HEXIM1: variants seen among roughly 807,000 people sequenced by gnomAD.
HEXIM1 encodes HEXIM P-TEFb complex subunit 1.
HEXIM1 carries 1 observed loss-of-function variant against 30.3 expected under a neutral mutation model. The observed-to-expected ratio is 0.03, with a 90% CI of 0.01 to 0.16. The LOEUF (loss-of-function observed/expected upper bound fraction) is 0.16. Ranked by LOEUF, HEXIM1 falls within the 10% of genes least tolerant of loss-of-function variation. The pLI is 1.00. For synonymous variants in HEXIM1, 245 were observed against 208.3 expected, an observed-to-expected ratio of 1.18 and a Z score of -1.52; for missense variants, 391 against 476.4, an observed-to-expected ratio of 0.82 and a Z score of 1.67.
In HEXIM1 at chr17:45,150,184, C is replaced by T; in HGVS notation, c.994C>T (p.Leu332=). The change falls in exon 1 of 1, where the codon CTG becomes TTG. Residue 332 remains leucine, a synonymous_variant. Coordinates refer to ENST00000332499, the MANE Select transcript of HEXIM1 (RefSeq NM_006460.3). ...GGAGCTGGAGCTGGAGCTGGACCGG[C>T]TGCGCGCCGAGAACCTCCAGCTGCT... ...VRELELELDR[L]RAENLQLLTE... The T allele has an allele frequency of 6.2e-7, 1 of 1,613,078 alleles. No homozygotes were observed. The highest frequency in any genetic ancestry group is 8.5e-7 in the Non-Finnish European group (1 of 1,179,830).
At position 45,148,818 on chromosome 17, in the gene HEXIM1, C is replaced by T. The variant is rs922370500; in HGVS notation, c.-373C>T. 2.2e-5 allele frequency: 9 copies of T among 405,038 alleles called. No homozygotes were observed. Among genetic ancestry groups the T allele is most frequent in the Non-Finnish European group, 3.5e-5 (8 of 229,726 alleles). The allele number at this position is 405,038 out of a possible 1,614,324, so 25.1% of individuals were successfully genotyped here. A position where few individuals can be genotyped will look rare whatever the true frequency, so the allele number is the denominator to read the frequency against. On this transcript the variant is annotated 5_prime_UTR_variant, in exon 1 of 1. Transcript: ENST00000332499. The stretch of plus-strand genomic sequence containing the variant: ...GCAGCGTCATCGGTAGTTTTAACCC[C>T]TTCGGGGCTGGGTTTCACGCACTGG...
At position 45,150,507 on chromosome 17, in the gene HEXIM1, T is replaced by C. The variant is rs1428640348; in HGVS notation, c.*237T>C. The stretch of plus-strand genomic sequence containing the variant: ...TTGTTTTCCTTTTTAGAAGTTTTTT[T>C]CCTTAATGTGAAAGTAATTTGACCA... On this transcript the variant is annotated 3_prime_UTR_variant, in exon 1 of 1. Transcript: ENST00000332499. 4 of 505,836 alleles carry C rather than the reference T, an allele frequency of 7.9e-6. No homozygotes were observed. Among genetic ancestry groups the C allele is most frequent in the African/African-American group, 7.9e-5 (4 of 50,922 alleles). 31.3% of individuals were successfully genotyped at this position (505,836 alleles called of 1,614,324 possible).
Position 45,150,460 on chromosome 17 carries a change from T to C in HEXIM1, c.*190T>C, listed in dbSNP as rs1474762935. 1.7e-6 allele frequency: 1 copy of C among 603,496 alleles called. No individual in the cohort carries two copies. Among genetic ancestry groups the C allele is most frequent in the South Asian group, 2.7e-5 (1 of 36,388 alleles). 37.4% of individuals were successfully genotyped at this position (603,496 alleles called of 1,614,324 possible). A position where few individuals can be genotyped will look rare whatever the true frequency, so the allele number is the denominator to read the frequency against. On this transcript the variant is annotated 3_prime_UTR_variant, in exon 1 of 1. Coordinates refer to ENST00000332499, the MANE Select transcript of HEXIM1 (RefSeq NM_006460.3). Reference sequence around the variant, plus strand: ...GCTTTCTCCTGTTCTTTTAATTATGTGAAACTGAAGAGTTGCTTTTCTTGT... The same window carrying C: ...GCTTTCTCCTGTTCTTTTAATTATGCGAAACTGAAGAGTTGCTTTTCTTGT...
rs371225086 is a variant in HEXIM1 at position 45,149,181 on chromosome 17, T to C, written c.-10T>C. 7.6e-6 allele frequency: 12 copies of C among 1,576,890 alleles called. No individual in the cohort carries two copies. In the Admixed American group the frequency reaches 9.1e-5, roughly 12 times the overall value. Reference sequence around the variant, plus strand: ...CCAAAATTTCTTAAACTTCGAGGACTCTACTAGCCATGGCCGAGCCATTCT... The same window carrying C: ...CCAAAATTTCTTAAACTTCGAGGACCCTACTAGCCATGGCCGAGCCATTCT... On this transcript the variant is annotated 5_prime_UTR_variant, in exon 1 of 1. Coordinates refer to ENST00000332499, the MANE Select transcript of HEXIM1 (RefSeq NM_006460.3). The surrounding 1 kb of genome is among the most constrained non-coding windows in gnomAD (Gnocchi z 5.3).
Position 45,149,080 on chromosome 17 carries a change from G to T in HEXIM1, c.-111G>T. 9.1e-7 allele frequency: 1 copy of T among 1,095,464 alleles called. No homozygotes were observed. The highest frequency in any genetic ancestry group is 1.6e-5 in the South Asian group (1 of 63,762). 67.9% of individuals were successfully genotyped at this position (1,095,464 alleles called of 1,614,324 possible). On this transcript the variant is annotated 5_prime_UTR_variant, in exon 1 of 1. Transcript: ENST00000332499. The surrounding 1 kb of genome is among the most constrained non-coding windows in gnomAD (Gnocchi z 5.3). ...ACTGCAGGAATTACAAACTGAAGAG[G>T]ACTCTGTTGGACTGTTTTTTTTTTC...
Position 45,150,180 on chromosome 17 carries a change from C to G in HEXIM1, c.990C>G (p.Asp330Glu), listed in dbSNP as rs748306481. The G allele has an allele frequency of 1.1e-5, 17 of 1,612,960 alleles. No individual in the cohort carries two copies. Among genetic ancestry groups the G allele is most frequent in the Admixed American group, 1.7e-5 (1 of 59,982 alleles). ...TGCGGGAGCTGGAGCTGGAGCTGGA[C>G]CGGCTGCGCGCCGAGAACCTCCAGC... ...ARVRELELELDRLRAENLQLL... is the reference protein window; with the variant it reads ...ARVRELELELERLRAENLQLL... The change falls in exon 1 of 1, where the codon GAC becomes GAG. Residue 330 changes from aspartate (D) to glutamate (E), a missense_variant. By Grantham distance (45) the Asp-to-Glu change is conservative. Around this residue, in one of 5 missense-constraint regions of HEXIM1, gnomAD observed 73 missense variants for 80.9 expected, o/e 0.90. Coordinates refer to ENST00000332499, the MANE Select transcript of HEXIM1 (RefSeq NM_006460.3).
chr17:45,151,434 T>G lies in HEXIM1; in HGVS notation c.*1164T>G, dbSNP rs532596024. On this transcript the variant is annotated 3_prime_UTR_variant, in exon 1 of 1. Transcript: ENST00000332499. ...AGGTCCTCAGCTGAATGAGGAACCC[T>G]GTACATCCCCTTGCACAGCCCTATT... 2 of 167,060 alleles carry G rather than the reference T, an allele frequency of 1.2e-5. No individual in the cohort carries two copies. The highest frequency in any genetic ancestry group is 2.9e-5 in the Non-Finnish European group (2 of 68,126). The allele number at this position is 167,060 out of a possible 1,614,324, so 10.3% of individuals were successfully genotyped here.
chr17:45,149,388 C>T lies in HEXIM1; in HGVS notation c.198C>T (p.Ser66=). 1.2e-6 allele frequency: 2 copies of T among 1,613,350 alleles called. No individual in the cohort carries two copies. The highest frequency in any genetic ancestry group is 4.5e-5 in the East Asian group (2 of 44,838). ...GGRPGPEGEG[S]LESQPPPLQT... Reference sequence around the variant, plus strand: ...GTCCGGGGCCGGAGGGGGAAGGGAGCCTGGAATCCCAACCACCTCCCTTGC... The same window carrying T: ...GTCCGGGGCCGGAGGGGGAAGGGAGTCTGGAATCCCAACCACCTCCCTTGC... Residue 66 remains serine (S), a synonymous_variant, in exon 1 of 1, where the codon AGC becomes AGT. Coordinates refer to ENST00000332499, the MANE Select transcript of HEXIM1 (RefSeq NM_006460.3). This position sits in a 1 kb window ranked among gnomAD's most constrained non-coding sequence, Gnocchi z 5.3.
Position 45,150,246 on chromosome 17 carries a change from G to C in HEXIM1, c.1056G>C (p.Ala352=). The C allele has an allele frequency of 4.4e-6, 7 of 1,608,796 alleles. No individual in the cohort carries two copies. The highest frequency in any genetic ancestry group is 5.1e-6 in the Non-Finnish European group (6 of 1,176,492). Reference sequence around the variant, plus strand: ...AACTGCACCGGCAGCAGGAGCGAGCGCCGCTTTCCAAGTTTGGAGACTAGA... The same window carrying C: ...AACTGCACCGGCAGCAGGAGCGAGCCCCGCTTTCCAAGTTTGGAGACTAGA... The part of the protein sequence containing the change: ...ENELHRQQER[A]PLSKFGD The change falls in exon 1 of 1, where the codon GCG becomes GCC. Residue 352 remains alanine, a synonymous_variant. Coordinates refer to ENST00000332499, the MANE Select transcript of HEXIM1 (RefSeq NM_006460.3).
At position 45,148,705 on chromosome 17, in the gene HEXIM1, G is replaced by A. The variant is rs954567211; in HGVS notation, c.-486G>A. 73 of 401,366 alleles carry A rather than the reference G, an allele frequency of 1.8e-4. No homozygotes were observed. Among genetic ancestry groups the A allele is most frequent in the Middle Eastern group, 6.2e-4 (1 of 1,614 alleles). 24.9% of individuals were successfully genotyped at this position (401,366 alleles called of 1,614,324 possible). A position where few individuals can be genotyped will look rare whatever the true frequency, so the allele number is the denominator to read the frequency against. ...AGCTTGGGTGGAAGCGACACCCGTG[G>A]AAGTGGGAGGAGGTGGCGCCGGGAC... is the stretch of plus-strand genomic sequence containing the variant. On this transcript the variant is annotated 5_prime_UTR_variant, in exon 1 of 1. Transcript: ENST00000332499.
rs558564301 is a variant in HEXIM1, at chr17:45,150,123, G to A, written c.933G>A (p.Glu311=). Residue 311 remains glutamate, a synonymous_variant, in exon 1 of 1, where the codon GAG becomes GAA. Coordinates refer to ENST00000332499, the MANE Select transcript of HEXIM1 (RefSeq NM_006460.3). ...ACGAGAACAACCGGCTGCGGCTGGA[G>A]AGCAAGCGGCTGGGTGGCGACGACG... The part of the protein sequence containing the change: ...MEDENNRLRL[E]SKRLGGDDAR... 36 of 1,613,762 alleles carry A rather than the reference G, an allele frequency of 2.2e-5. No homozygotes were observed. In the South Asian group the frequency reaches 3.7e-4, roughly 17 times the overall value.
In HEXIM1 at chr17:45,150,957, G is replaced by C. The variant is rs574698496; in HGVS notation, c.*687G>C. On this transcript the variant is annotated 3_prime_UTR_variant, in exon 1 of 1. Coordinates refer to ENST00000332499, the MANE Select transcript of HEXIM1 (RefSeq NM_006460.3). ...ACAAACCGGTATTGAGTGTTTAGGC[G>C]AGTGGAAAGTGGCTACAATCCAAAA... The C allele has an allele frequency of 1.2e-5, 2 of 167,094 alleles. No individual in the cohort carries two copies. Among genetic ancestry groups the C allele is most frequent in the South Asian group, 4.1e-4 (2 of 4,826 alleles). The allele number at this position is 167,094 out of a possible 1,614,324, so 10.4% of individuals were successfully genotyped here. A position where few individuals can be genotyped will look rare whatever the true frequency, so the allele number is the denominator to read the frequency against.
In HEXIM1 at chr17:45,149,241, C is replaced by T; in HGVS notation, c.51C>T (p.Asn17=). 6.2e-7 allele frequency: 1 copy of T among 1,613,890 alleles called. No individual in the cohort carries two copies. The highest frequency in any genetic ancestry group is 8.5e-7 in the Non-Finnish European group (1 of 1,180,032). ...ATCAACACCAGCCTCAAACTAGCAACTGTACAGGTGCTGCTGCTGTCCAGG... is the reference window on the plus strand; with the variant it reads ...ATCAACACCAGCCTCAAACTAGCAATTGTACAGGTGCTGCTGCTGTCCAGG... ...SEYQHQPQTS[N]CTGAAAVQEE... The change falls in exon 1 of 1, where the codon AAC becomes AAT. Residue 17 remains asparagine (N), a synonymous_variant. Coordinates refer to ENST00000332499, the MANE Select transcript of HEXIM1 (RefSeq NM_006460.3). The surrounding 1 kb of genome is among the most constrained non-coding windows in gnomAD (Gnocchi z 5.3).
chr17:45,149,257 G>T lies in HEXIM1; in HGVS notation c.67G>T (p.Ala23Ser). Residue 23 changes from alanine (A) to serine (S), a missense_variant, in exon 1 of 1, where the codon GCT becomes TCT. Around this residue, in one of 5 missense-constraint regions of HEXIM1, gnomAD observed 230 missense variants for 199.4 expected, o/e 1.15. Transcript: ENST00000332499. The surrounding 1 kb of genome is among the most constrained non-coding windows in gnomAD (Gnocchi z 5.3). ...PQTSNCTGAA[A>S]VQEELNPERP... is the part of the protein sequence containing the mutation. ...AACTAGCAACTGTACAGGTGCTGCT[G>T]CTGTCCAGGAAGAGCTGAACCCTGA... 6.2e-7 allele frequency: 1 copy of T among 1,613,936 alleles called. No homozygotes were observed. The highest frequency in any genetic ancestry group is 8.5e-7 in the Non-Finnish European group (1 of 1,180,034).
chr17:45,149,201 C>G lies in HEXIM1; in HGVS notation c.11C>G (p.Pro4Arg), dbSNP rs754411480. 1.9e-6 allele frequency: 3 copies of G among 1,610,642 alleles called. No individual in the cohort carries two copies. Among genetic ancestry groups the G allele is most frequent in the Non-Finnish European group, 2.5e-6 (3 of 1,178,080 alleles). The stretch of plus-strand genomic sequence containing the variant: ...AGGACTCTACTAGCCATGGCCGAGC[C>G]ATTCTTGTCAGAATATCAACACCAG... Reference protein sequence around the residue: MAEPFLSEYQHQPQ... With the variant: MAERFLSEYQHQPQ... Residue 4 changes from proline to arginine, a missense_variant, in exon 1 of 1, where the codon CCA becomes CGA. Around this residue, in one of 5 missense-constraint regions of HEXIM1, gnomAD observed 230 missense variants for 199.4 expected, o/e 1.15. Coordinates refer to ENST00000332499, the MANE Select transcript of HEXIM1 (RefSeq NM_006460.3). The surrounding 1 kb of genome is among the most constrained non-coding windows in gnomAD (Gnocchi z 5.3).
Position 45,149,264 on chromosome 17 carries a change from A to G in HEXIM1, c.74A>G (p.Gln25Arg). The G allele has an allele frequency of 1.2e-6, 2 of 1,613,908 alleles. No homozygotes were observed. The highest frequency in any genetic ancestry group is 1.3e-5 in the African/African-American group (1 of 75,064). The change falls in exon 1 of 1, where the codon CAG (glutamine) becomes CGG (arginine). Residue 25 changes from glutamine (Q) to arginine (R), a missense_variant. Physicochemically the swap from Gln to Arg is conservative, Grantham distance 43 (BLOSUM62 1). Transcript: ENST00000332499. The surrounding 1 kb of genome is among the most constrained non-coding windows in gnomAD (Gnocchi z 5.3). ...TSNCTGAAAVQEELNPERPPG... is the reference protein window; with the variant it reads ...TSNCTGAAAVREELNPERPPG... ...AACTGTACAGGTGCTGCTGCTGTCC[A>G]GGAAGAGCTGAACCCTGAGCGCCCC... is the stretch of plus-strand genomic sequence containing the variant.
chr17:45,148,682 C>T lies in HEXIM1; in HGVS notation c.-509C>T. The T allele has an allele frequency of 2.5e-6, 1 of 401,222 alleles. No individual in the cohort carries two copies. The highest frequency in any genetic ancestry group is 4.3e-5 in the Admixed American group (1 of 23,010). 24.9% of individuals were successfully genotyped at this position (401,222 alleles called of 1,614,324 possible). On this transcript the variant is annotated 5_prime_UTR_variant, in exon 1 of 1. Coordinates refer to ENST00000332499, the MANE Select transcript of HEXIM1 (RefSeq NM_006460.3). ...ACGGCCGGGCCTAGGGAACTGGGAG[C>T]TTGGGTGGAAGCGACACCCGTGGAA...
Position 45,148,722 on chromosome 17 carries a change from C to A in HEXIM1, c.-469C>A. 1 of 401,016 alleles carries A rather than the reference C, an allele frequency of 2.5e-6. No individual in the cohort carries two copies. Among genetic ancestry groups the A allele is most frequent in the Non-Finnish European group, 4.4e-6 (1 of 227,386 alleles). The allele number at this position is 401,016 out of a possible 1,614,324, so 24.8% of individuals were successfully genotyped here. A position where few individuals can be genotyped will look rare whatever the true frequency, so the allele number is the denominator to read the frequency against. ...CACCCGTGGAAGTGGGAGGAGGTGG[C>A]GCCGGGACTTTAACCCCTTGTGGGC... is the stretch of plus-strand genomic sequence containing the variant. On this transcript the variant is annotated 5_prime_UTR_variant, in exon 1 of 1. Transcript: ENST00000332499.
Position 45,149,330 on chromosome 17 carries a change from G to C in HEXIM1, c.140G>C (p.Trp47Ser). 1.2e-6 allele frequency: 2 copies of C among 1,613,600 alleles called. No homozygotes were observed. Among genetic ancestry groups the C allele is most frequent in the Non-Finnish European group, 1.7e-6 (2 of 1,179,968 alleles). ...EERVPEEDSR[W>S]QSRAFPQLGG... is the part of the protein sequence containing the mutation. ...CGGGTGCCCGAGGAGGACAGTAGGTGGCAATCGAGAGCGTTCCCCCAGTTG... is the reference window on the plus strand; with the variant it reads ...CGGGTGCCCGAGGAGGACAGTAGGTCGCAATCGAGAGCGTTCCCCCAGTTG... The change falls in exon 1 of 1, where the codon TGG becomes TCG. Residue 47 changes from tryptophan (W) to serine (S), a missense_variant. By Grantham distance (177) the Trp-to-Ser change is radical. Transcript: ENST00000332499. This position sits in a 1 kb window ranked among gnomAD's most constrained non-coding sequence, Gnocchi z 5.3.
Sources: allele counts gnomAD v4.1 joint callset, GRCh38; gene constraint gnomAD v4.1.1; regional missense constraint gnomAD v4.1.1; non-coding constraint Gnocchi (gnomAD v3.1); transcripts MANE v1.5; gene names NCBI Gene and HGNC (gene_info 2026-07-23, HGNC 2026-07-21).